GALNT13: variants seen among roughly 807,000 people sequenced by gnomAD.
GALNT13 encodes the protein UDP-GalNAc:polypeptide N-acetylgalactosaminyltransferase 13.
In GALNT13, 28 loss-of-function variants were observed where a neutral mutation model predicts 64.2. That is an observed-to-expected ratio of 0.44 (90% CI 0.32 to 0.60). GALNT13 has a LOEUF of 0.60. Among genes scored for constraint, GALNT13 ranks in the 20% least tolerant of loss-of-function variants. GALNT13 has a pLI of 0.05. For missense variants in GALNT13, 577 were observed against 669.8 expected, an observed-to-expected ratio of 0.86 and a Z score of 1.53; for synonymous variants, 214 against 224.6, an observed-to-expected ratio of 0.95 and a Z score of 0.42.
chr2:153,484,485 G>T, the GALNT13 span, among the ~76,000 whole-genome samples: 1 of 152,070 alleles, frequency 6.6e-6, no homozygotes, highest in African/African-American at 2.4e-5. Flanking sequence ...TTTACAAATT[G>T]AAATTTTTAG....
At chr2:154,026,780 A>C (rs1039447618) in intron 3 of GALNT13, among the ~76,000 whole-genome samples, 1 of 152,142 alleles carries the variant, frequency 6.6e-6, no homozygotes, top group South Asian at 2.1e-4. Flanking sequence ...CTATGAATGA[A>C]TTTGGGAGAG....
chr2:153,082,642 C>T, the GALNT13 span, among the ~76,000 whole-genome samples: 164 of 110,228 alleles, frequency 1.5e-3, 2 homozygotes, highest in African/African-American at 6.4e-3. Flanking sequence ...CACACACACA[C>T]ACACACACAC....
At chr2:154,122,647 T>C (rs1166851825) in intron 3 of GALNT13, among the ~76,000 whole-genome samples, 1 of 151,716 alleles carries the variant, frequency 6.6e-6, no homozygotes, top group Non-Finnish European at 1.5e-5. Flanking sequence ...TGTATTTTGG[T>C]AGTTTTGTGT....
the GALNT13 span, among the ~76,000 whole-genome samples, chr2:153,719,510 C>A: frequency 6.6e-6 from 1 of 152,276 alleles, no homozygotes. Flanking sequence ...GCTTGAGCGA[C>A]GCAGAAGACG....
the GALNT13 span, among the ~76,000 whole-genome samples, chr2:153,532,578 A>G: frequency 6.6e-6 from 1 of 152,142 alleles, no homozygotes; most frequent in Admixed American, 6.5e-5. Context: ...CTCCCCTGAA[A>G]ATGGGCTTTT....
the GALNT13 span, among the ~76,000 whole-genome samples, chr2:153,503,764 A>T: frequency 6.6e-6 from 1 of 152,104 alleles, no homozygotes; most frequent in Non-Finnish European, 1.5e-5. Context: ...TTATACAAGT[A>T]CCATGCTGTT....
chr2:153,282,887 CT>C, the GALNT13 span, among the ~76,000 whole-genome samples: 1 of 151,992 alleles, frequency 6.6e-6, no homozygotes, highest in Non-Finnish European at 1.5e-5. Flanking sequence ...GATGGTGTGA[CT>C]ATAGAGGATG....
At chr2:153,688,307 C>A in the GALNT13 span, among the ~76,000 whole-genome samples, 1 of 151,984 alleles carries the variant, frequency 6.6e-6, no homozygotes, top group Non-Finnish European at 1.5e-5. Context: ...GACTTAGAAA[C>A]TTCTTTTGGG....
At chr2:153,074,661 T>C in the GALNT13 span, among the ~76,000 whole-genome samples, 1 of 152,216 alleles carries the variant, frequency 6.6e-6, no homozygotes, top group African/African-American at 2.4e-5. Flanking sequence ...TCATTTTGCA[T>C]GGTGTCCATC....
the GALNT13 span, among the ~76,000 whole-genome samples, chr2:153,535,978 C>T: frequency 1.5e-4 from 23 of 152,272 alleles, no homozygotes; most frequent in East Asian, 4.4e-3. Context: ...AAGTATCTAC[C>T]TAGACTAAGA....
chr2:154,017,204 C>G (rs1697069212), intron 3 of GALNT13, among the ~76,000 whole-genome samples: 2 of 151,950 alleles, frequency 1.3e-5, no homozygotes, highest in African/African-American at 4.8e-5. Context: ...TCTCTTTAGT[C>G]TGACTAATAT....
the GALNT13 span, among the ~76,000 whole-genome samples, chr2:153,162,354 A>G: frequency 3.4e-3 from 523 of 152,334 alleles, 1 homozygote; most frequent in African/African-American, 0.012. Flanking sequence ...TCATAACGAC[A>G]TTTTAATCCT....
chr2:153,229,588 A>G, the GALNT13 span, among the ~76,000 whole-genome samples: 3 of 152,118 alleles, frequency 2.0e-5, no homozygotes, highest in Non-Finnish European at 4.4e-5. Context: ...TTAATCGCCT[A>G]TTTTTGGTTG....
chr2:154,292,712 T>A (rs1174072688), intron 8 of GALNT13, among the ~76,000 whole-genome samples: 1 of 152,184 alleles, frequency 6.6e-6, no homozygotes, highest in African/African-American at 2.4e-5. Flanking sequence ...TATTAAAGGA[T>A]GACTTCGTGC....
At chr2:153,677,183 A>G in the GALNT13 span, among the ~76,000 whole-genome samples, 4 of 152,032 alleles carry the variant, frequency 2.6e-5, no homozygotes, top group African/African-American at 7.2e-5. Context: ...CCAAAGTTTC[A>G]GGTTACAAAA....
the GALNT13 span, among the ~76,000 whole-genome samples, chr2:153,725,309 GGAGGGGA>G: frequency 6.6e-6 from 1 of 151,518 alleles, no homozygotes; most frequent in East Asian, 2.0e-4. Flanking sequence ...ACTGTGGTGT[GGAGGGGA>G]GAGGGGGGAG....
chr2:153,068,644 T>C, the GALNT13 span, among the ~76,000 whole-genome samples: 1 of 152,200 alleles, frequency 6.6e-6, no homozygotes, highest in African/African-American at 2.4e-5. Flanking sequence ...ATATATTTTT[T>C]ATGGTAGATA....
At chr2:154,371,849 C>T (rs1305933982) in intron 9 of GALNT13, among the ~76,000 whole-genome samples, 1 of 150,258 alleles carries the variant, frequency 6.7e-6, no homozygotes, top group African/African-American at 2.4e-5. Flanking sequence ...AGTCAACATA[C>T]ACATAAAAAT....
the GALNT13 span, among the ~76,000 whole-genome samples, chr2:153,163,886 C>G: frequency 6.6e-6 from 1 of 151,784 alleles, no homozygotes; most frequent in African/African-American, 2.4e-5. Flanking sequence ...GGCGTGGTGG[C>G]GGGCGCCTGT....
Sources: gnomAD v4.1 joint callset for allele counts (sites outside exome capture counted in the v4.1 genomes callset) on GRCh38, gnomAD v4.1.1 for gene constraint, MANE v1.5 for transcripts, NCBI Gene and HGNC (gene_info 2026-07-23, HGNC 2026-07-21) for gene names.